NCEH1: variants seen among roughly 807,000 people sequenced by gnomAD.
NCEH1 encodes the protein 2-acetyl MAGE hydrolase.
NCEH1 carries 9 observed loss-of-function variants against 25.4 expected under a neutral mutation model. That is an observed-to-expected ratio of 0.35 (90% confidence interval 0.21 to 0.62). NCEH1 has a LOEUF of 0.62. NCEH1 is among the 20% of genes least tolerant of loss of function. The probability of loss-of-function intolerance (pLI) is 0.72; values close to 1 mark genes in which losing one functional copy is unlikely to be tolerated. For missense variants in NCEH1, 412 were observed against 501.1 expected, an observed-to-expected ratio of 0.82 and a Z score of 1.70; for synonymous variants, 200 against 199.8, an observed-to-expected ratio of 1.00 and a Z score of -0.01.
Position 172,694,378 on chromosome 3 carries a change from A to ATG in NCEH1, c.138+16467_138+16468dup, listed in dbSNP as rs369794698. Reference sequence around the variant, plus strand: ...GTTATTTGGGGAAAGAGTTATATATATGTGTGTGTGTGTGTCTGTGTGTGT... The same window carrying ATG: ...GTTATTTGGGGAAAGAGTTATATATATGTGTGTGTGTGTGTGTCTGTGTGTGT... On this transcript the variant is annotated intron_variant, in intron 1 of 4. Transcript: ENST00000475381. 1.0e-2 allele frequency among the ~76,000 whole-genome samples: 1,509 copies of ATG among 151,332 alleles called. 27 individuals carry two copies. The highest frequency in any genetic ancestry group is 0.034 in the African/African-American group (1,376 of 41,050).
chr3:172,691,701 G>A (rs56816995), intron 1 of NCEH1, among the ~76,000 whole-genome samples: 6,193 of 148,994 alleles, frequency 0.042, no homozygotes, highest in African/African-American at 0.15. Flanking sequence ...TGTAATCCCA[G>A]CACTTGGGGA....
At chr3:172,641,311 C>T (rs182968168) in intron 3 of NCEH1, among the ~76,000 whole-genome samples, 259 of 152,268 alleles carry the variant, frequency 1.7e-3, no homozygotes, top group African/African-American at 6.0e-3. Context: ...GTAGAAGCTA[C>T]TGAGTAGGAG....
intron 1 of NCEH1, among the ~76,000 whole-genome samples, chr3:172,679,297 A>T (rs974336670): frequency 6.6e-6 from 1 of 152,238 alleles, no homozygotes; most frequent in African/African-American, 2.4e-5. Context: ...AAGTGTATTG[A>T]TTTCTTTATT....
In NCEH1 at chr3:172,633,849, G is replaced by A. The variant is rs767277622; in HGVS notation, c.853C>T (p.Arg285Cys). The A allele has an allele frequency of 5.0e-6, 8 of 1,614,174 alleles. No individual in the cohort carries two copies. The African/African-American group carries it at 5.3e-5, about 11-fold the overall frequency. Residue 285 changes from arginine (R) to cysteine (C), a missense_variant, in exon 5 of 5, where the codon CGT becomes TGT. Arg to Cys is a radical substitution (Grantham distance 180). This residue lies in a region of NCEH1 where 210 missense variants were observed against 258.2 expected (regional missense o/e 0.81). Transcript: ENST00000475381. Reference protein sequence around the residue: ...DVEEAAAVRARLNWTSLLPAS... With the variant: ...DVEEAAAVRACLNWTSLLPAS... ...GGCAAGAGGGATGTCCAGTTTAGAC[G>A]GGCCCTGACAGCAGCAGCCTCTTCC...
At chr3:172,635,780 T>C in intron 4 of NCEH1, 136 bp downstream of exon 4, 1 of 693,554 alleles carries the variant, frequency 1.4e-6, no homozygotes, top group Non-Finnish European at 2.5e-6. Context: ...ACAAGTGTAA[T>C]CACATGAACA....
intron 1 of NCEH1, among the ~76,000 whole-genome samples, chr3:172,671,697 C>T (rs1217905749): frequency 6.6e-6 from 1 of 151,224 alleles, no homozygotes; most frequent in Non-Finnish European, 1.5e-5. Context: ...TATATAATTA[C>T]ACATGCACAT....
intron 1 of NCEH1, among the ~76,000 whole-genome samples, chr3:172,663,263 GAGT>G (rs1246319417): frequency 6.6e-6 from 1 of 152,164 alleles, no homozygotes; most frequent in African/African-American, 2.4e-5. Context: ...CCATGTAGTT[GAGT>G]AGTTTTGAGT....
chr3:172,691,006 A>G (rs1461444891), intron 1 of NCEH1, among the ~76,000 whole-genome samples: 1 of 151,752 alleles, frequency 6.6e-6, no homozygotes, highest in Non-Finnish European at 1.5e-5. Flanking sequence ...TAACTTAAAC[A>G]TTGTCTACTC....
At chr3:172,643,887 TA>T (rs934591592) in intron 3 of NCEH1, among the ~76,000 whole-genome samples, 1 of 152,142 alleles carries the variant, frequency 6.6e-6, no homozygotes, top group African/African-American at 2.4e-5. Flanking sequence ...CTTGTCTCCT[TA>T]AACATCCCCT....
chr3:172,640,942 C>T (rs1043672131), intron 3 of NCEH1, among the ~76,000 whole-genome samples: 3 of 152,114 alleles, frequency 2.0e-5, no homozygotes, highest in Admixed American at 2.0e-4. Flanking sequence ...GCTGGAATTA[C>T]GGGTGTGAGC....
intron 1 of NCEH1, among the ~76,000 whole-genome samples, chr3:172,675,331 A>AAATAAATAAATTAATT (rs1368844628): frequency 2.0e-5 from 3 of 150,374 alleles, no homozygotes; most frequent in African/African-American, 7.5e-5. Flanking sequence ...ATAAATAAAT[A>AAATAAATAAATTAATT]AATAAATAAA....
At chr3:172,676,706 CTG>C (rs1222959248) in intron 1 of NCEH1, among the ~76,000 whole-genome samples, 2 of 152,152 alleles carry the variant, frequency 1.3e-5, no homozygotes, top group Admixed American at 6.5e-5. Flanking sequence ...CCACACGTGT[CTG>C]TGTCATTTTA....
intron 1 of NCEH1, among the ~76,000 whole-genome samples, chr3:172,685,668 T>G (rs1712657102): frequency 6.6e-6 from 1 of 152,168 alleles, no homozygotes; most frequent in Admixed American, 6.6e-5. Flanking sequence ...TTTTTTCTCT[T>G]CCCCTTCATC....
At chr3:172,645,566 T>C (rs1004527670) in intron 3 of NCEH1, 57 bp downstream of exon 3, 1 of 1,071,128 alleles carries the variant, frequency 9.3e-7, no homozygotes, top group Non-Finnish European at 1.4e-6. Flanking sequence ...GTAACCAGAC[T>C]GTTATCTAGA....
chr3:172,653,760 G>GTTTGT (rs1553830377), intron 1 of NCEH1, among the ~76,000 whole-genome samples: 1 of 54,418 alleles, frequency 1.8e-5, no homozygotes, highest in Admixed American at 2.3e-4. Flanking sequence ...TTGTTTTTTT[G>GTTTGT]TTTTTTTTTT....
intron 1 of NCEH1, among the ~76,000 whole-genome samples, chr3:172,678,336 T>G (rs556923289): frequency 1.3e-5 from 2 of 152,316 alleles, no homozygotes; most frequent in Admixed American, 6.5e-5. Context: ...GCCTGAGGCA[T>G]TACAAGACAG....
intron 1 of NCEH1, among the ~76,000 whole-genome samples, chr3:172,648,936 T>G (rs910936243): frequency 6.6e-6 from 1 of 152,188 alleles, no homozygotes; most frequent in African/African-American, 2.4e-5. Context: ...TTTCGCAAGT[T>G]CATCAGGAAG....
At chr3:172,682,491 C>A (rs1319884190) in intron 1 of NCEH1, among the ~76,000 whole-genome samples, 2 of 152,138 alleles carry the variant, frequency 1.3e-5, no homozygotes, top group East Asian at 3.8e-4. Context: ...TGAGACATTC[C>A]ATTCATAGGT....
At chr3:172,649,640 G>A (rs140986950) in intron 1 of NCEH1, among the ~76,000 whole-genome samples, 447 of 152,290 alleles carry the variant, frequency 2.9e-3, no homozygotes, top group African/African-American at 9.8e-3. Flanking sequence ...CGAGTTTTGT[G>A]GTAAAATGTT....
Sources: allele counts gnomAD v4.1 joint callset (sites outside exome capture counted in the v4.1 genomes callset), GRCh38; gene constraint gnomAD v4.1.1; regional missense constraint gnomAD v4.1.1; transcripts MANE v1.5; gene names NCBI Gene and HGNC (gene_info 2026-07-23, HGNC 2026-07-21).